The following VIPR1 variants were observed in gnomAD, a reference collection of about 807,000 sequenced individuals.
The protein encoded by VIPR1 is vasoactive intestinal peptide receptor 1, also known as vasoactive intestinal polypeptide receptor 1.
VIPR1 carries 59 observed loss-of-function variants against 58.8 expected under a neutral mutation model. The observed-to-expected ratio is 1.00, with a 90% CI of 0.81 to 1.25. VIPR1 has a LOEUF of 1.25. VIPR1 is among the 50% of genes most tolerant of loss of function. VIPR1 has a pLI of 0.00. For synonymous variants in VIPR1, 251 were observed against 242.1 expected (o/e 1.04, Z -0.34); for missense variants, 626 against 602.7 (o/e 1.04, Z -0.40).
At chr3:42,519,573 A>C in intron 3 of VIPR1, 2 of 411,368 alleles carry the variant, frequency 4.9e-6, no homozygotes, top group African/African-American at 4.2e-5. Context: ...TTGATAACTG[A>C]TTGACTGACA....
chr3:42,524,299 TG>T (rs929913461), intron 3 of VIPR1, among the ~76,000 whole-genome samples: 2 of 152,186 alleles, frequency 1.3e-5, no homozygotes, highest in African/African-American at 2.4e-5. Flanking sequence ...CTGGCTGCAA[TG>T]ATGGGAAGCT....
intron 7 of VIPR1, 165 bp from the exon 8 acceptor site, chr3:42,531,306 A>G (rs1260744457): frequency 1.4e-6 from 1 of 705,260 alleles, no homozygotes; most frequent in African/African-American, 1.8e-5. Context: ...TCAGTGGAGC[A>G]TCCCTCCGTG....
At chr3:42,517,086 A>G (rs866924648) in intron 2 of VIPR1, among the ~76,000 whole-genome samples, 2 of 152,346 alleles carry the variant, frequency 1.3e-5, no homozygotes, top group African/African-American at 2.4e-5. Context: ...GTCAGGGTCC[A>G]TGACCAAGGA....
chr3:42,523,621 A>ACG (rs1194702512), intron 3 of VIPR1, among the ~76,000 whole-genome samples: 1 of 147,160 alleles, frequency 6.8e-6, no homozygotes, highest in Non-Finnish European at 1.5e-5. Context: ...ACACACACAC[A>ACG]CACACACACA....
At chr3:42,498,874 G>A (rs1389318872), upstream of VIPR1, among the ~76,000 whole-genome samples, 2 of 152,142 alleles carry the variant, frequency 1.3e-5, no homozygotes, top group Non-Finnish European at 1.5e-5. Flanking sequence ...AAGGGAGGAA[G>A]GGAATATTTC....
chr3:42,527,338 C>A (rs925143528), intron 4 of VIPR1, 55 bp from the exon 5 acceptor site: 116 of 1,550,410 alleles, frequency 7.5e-5, no homozygotes, highest in Admixed American at 1.2e-4. Flanking sequence ...GCCAATACCC[C>A]CTAGATGAGC....
chr3:42,521,847 AAG>A (rs1700939430), intron 3 of VIPR1, among the ~76,000 whole-genome samples: 1 of 151,216 alleles, frequency 6.6e-6, no homozygotes, highest in African/African-American at 2.4e-5. Flanking sequence ...TCCTGGGTTC[AAG>A]CAATTCTCCT....
At position 42,515,718 on chromosome 3, in the gene VIPR1, C is replaced by T. The variant is rs138246469; in HGVS notation, c.184+1864C>T. Among the ~76,000 whole-genome samples the T allele has an allele frequency of 3.8e-3, 580 of 152,326 alleles. 1 individual carries two copies. The highest frequency in any genetic ancestry group is 0.022 in the South Asian group (108 of 4,828). ...CACATCTAGGTATGCGCTCCTGGCC[C>T]ATGTCTGTCTGGAGCTGCGTCTGTG... On this transcript the variant is annotated intron_variant, in intron 2 of 12. Coordinates refer to ENST00000325123, the MANE Select transcript of VIPR1 (RefSeq NM_004624.4).
At chr3:42,532,042 C>G (rs370364418) in intron 9 of VIPR1, 173 bp downstream of exon 9, 15 of 915,714 alleles carry the variant, frequency 1.6e-5, no homozygotes, top group Middle Eastern at 4.6e-4. Context: ...TGAGCGTAAG[C>G]GGATTGGGAG....
chr3:42,519,195 C>T (rs755738457), intron 2 of VIPR1, 28 bp from the exon 3 acceptor site: 18 of 1,582,896 alleles, frequency 1.1e-5, no homozygotes, highest in Non-Finnish European at 1.5e-5. Flanking sequence ...CTGTGCTCAC[C>T]CATGTGTCTT....
intron 2 of VIPR1, among the ~76,000 whole-genome samples, chr3:42,518,535 T>G (rs1700746014): frequency 2.0e-5 from 3 of 152,110 alleles, no homozygotes; most frequent in Admixed American, 2.0e-4. Context: ...GGTCAGGAGT[T>G]CGAGATCAGC....
chr3:42,507,123 A>G (rs1700153006), intron 1 of VIPR1: 1 of 152,226 alleles, frequency 6.6e-6, no homozygotes, highest in Non-Finnish European at 1.5e-5. Context: ...CTATATAACT[A>G]TGATACTGTC....
chr3:42,491,677 T>A (rs1181688468), intron 1 of VIPR1, among the ~76,000 whole-genome samples: 1 of 152,100 alleles, frequency 6.6e-6, no homozygotes, highest in Non-Finnish European at 1.5e-5. Context: ...TGGGTTCAAG[T>A]GATTCTCCTG....
upstream of VIPR1, among the ~76,000 whole-genome samples, chr3:42,501,693 A>C (rs1699874310): frequency 6.6e-6 from 1 of 152,234 alleles, no homozygotes; most frequent in Non-Finnish European, 1.5e-5. The surrounding 1 kb of genome is among the most constrained non-coding windows in gnomAD (Gnocchi z 4.8). Flanking sequence ...TCAGCACCAA[A>C]GGCAGGCGGC....
chr3:42,495,543 C>A (rs1302934438), intron 1 of VIPR1, among the ~76,000 whole-genome samples: 1 of 152,142 alleles, frequency 6.6e-6, no homozygotes, highest in Non-Finnish European at 1.5e-5. Flanking sequence ...GGTGTGCACA[C>A]CCTGTATAAT....
chr3:42,523,821 C>CT (rs149947431), intron 3 of VIPR1, among the ~76,000 whole-genome samples: 1,980 of 149,686 alleles, frequency 0.013, 44 homozygotes, highest in African/African-American at 0.044. Flanking sequence ...CCTTAATCCT[C>CT]TTTTTTTTTT....
intron 3 of VIPR1, among the ~76,000 whole-genome samples, chr3:42,520,985 T>C (rs1195361969): frequency 2.0e-5 from 3 of 152,146 alleles, no homozygotes; most frequent in Non-Finnish European, 4.4e-5. Flanking sequence ...TGAGTTCCTC[T>C]GGCAGGTTTC....
At chr3:42,489,839 A>G (rs1250587568) in intron 1 of VIPR1, among the ~76,000 whole-genome samples, 5 of 152,126 alleles carry the variant, frequency 3.3e-5, no homozygotes, top group Non-Finnish European at 7.4e-5. Flanking sequence ...GCTGGTGGCC[A>G]GTTACCCTCA....
chr3:42,493,195 A>G (rs999462856), intron 1 of VIPR1, among the ~76,000 whole-genome samples: 2 of 152,226 alleles, frequency 1.3e-5, no homozygotes, highest in African/African-American at 4.8e-5. Flanking sequence ...TTCTGGCTCC[A>G]GTGAGACCCG....
Sources: allele counts gnomAD v4.1 joint callset (sites outside exome capture counted in the v4.1 genomes callset), GRCh38; gene constraint gnomAD v4.1.1; non-coding constraint Gnocchi (gnomAD v3.1); transcripts MANE v1.5; gene names NCBI Gene and HGNC (gene_info 2026-07-23, HGNC 2026-07-21).